COG2: variants seen among roughly 807,000 people sequenced by gnomAD.
The protein encoded by COG2 is component of oligomeric golgi complex 2.
Under a neutral mutation model 90.6 loss-of-function variants are expected in COG2, and 52 were observed. That is an observed-to-expected ratio of 0.57 (90% CI 0.46 to 0.72). The LOEUF (loss-of-function observed/expected upper bound fraction) is 0.72, where lower values mean the gene tolerates loss of function less well. Ranked by LOEUF, COG2 falls within the 30% of genes least tolerant of loss-of-function variation. The pLI is 0.00. For synonymous variants in COG2, 337 were observed against 320.4 expected (o/e 1.05, Z -0.55); for missense variants, 829 against 891.2 (o/e 0.93, Z 0.89).
chr1:230,685,596 T>A (rs1381408305), intron 12 of COG2, among the ~76,000 whole-genome samples: 3 of 152,252 alleles, frequency 2.0e-5, no homozygotes, highest in African/African-American at 4.8e-5. Flanking sequence ...TAAAAATATA[T>A]GCATTTTAAT....
chr1:230,645,540 A>G (rs558558166), intron 1 of COG2, among the ~76,000 whole-genome samples: 3 of 152,262 alleles, frequency 2.0e-5, no homozygotes, highest in South Asian at 4.1e-4. Flanking sequence ...GTGTAGGGCA[A>G]TGGTCCCCAA....
intron 8 of COG2, 65 bp from the exon 9 acceptor site, chr1:230,674,933 G>A: frequency 7.5e-7 from 1 of 1,327,456 alleles, no homozygotes; most frequent in Non-Finnish European, 1.0e-6. Flanking sequence ...AAGCAACACA[G>A]TGGAAATTTG....
chr1:230,671,612 C>A lies in COG2; in HGVS notation c.871C>A (p.Arg291=), dbSNP rs750823964. The change falls in exon 8 of 18, where the codon CGA becomes AGA. Residue 291 remains arginine, a synonymous_variant. Coordinates refer to ENST00000366669, the MANE Select transcript of COG2 (RefSeq NM_007357.3). ...EFVPHHCRLL[R]EVTGGAISSE... The stretch of plus-strand genomic sequence containing the variant: ...TGTTCCTCACCATTGCCGCCTTCTT[C>A]GAGAAGTCACAGGAGGTGCCATCTC... The A allele has an allele frequency of 8.7e-6, 14 of 1,613,602 alleles. No individual in the cohort carries two copies. Among genetic ancestry groups the A allele is most frequent in the Non-Finnish European group, 1.2e-5 (14 of 1,179,762 alleles).
intron 3 of COG2, 137 bp downstream of exon 3, chr1:230,660,960 C>T: frequency 8.6e-6 from 4 of 464,026 alleles, no homozygotes; most frequent in Non-Finnish European, 1.5e-5. Flanking sequence ...AATACTCATC[C>T]TCAGAAAAGT....
chr1:230,654,438 T>A (rs1320861819), intron 1 of COG2, among the ~76,000 whole-genome samples: 1 of 152,224 alleles, frequency 6.6e-6, no homozygotes, highest in Admixed American at 6.5e-5. Flanking sequence ...TGGTGTTATT[T>A]CTGAGTCCTC....
intron 16 of COG2, among the ~76,000 whole-genome samples, 185 bp from the exon 17 acceptor site, chr1:230,691,199 G>GTA (rs201309673): frequency 1.6e-3 from 246 of 151,896 alleles, no homozygotes; most frequent in African/African-American, 5.4e-3. Context: ...GTATATACAT[G>GTA]TATATATATA....
chr1:230,681,561 G>A (rs1268597475), intron 10 of COG2: 9 of 152,214 alleles, frequency 5.9e-5, no homozygotes. Flanking sequence ...TTGTAGACCT[G>A]TGATGTTCGT....
chr1:230,688,002 C>CAAAT, intron 13 of COG2, 69 bp from the exon 14 acceptor site: 1 of 1,039,882 alleles, frequency 9.6e-7, no homozygotes. Flanking sequence ...TTTGTAGATG[C>CAAAT]AAATAGAATT....
At chr1:230,653,641 ATGT>A (rs1454621463) in intron 1 of COG2, among the ~76,000 whole-genome samples, 1 of 52,832 alleles carries the variant, frequency 1.9e-5, no homozygotes, top group African/African-American at 8.2e-5. Flanking sequence ...TGGGTATCTA[ATGT>A]TGTGCTGCTA....
intron 9 of COG2, among the ~76,000 whole-genome samples, chr1:230,676,961 A>G (rs1662615475): frequency 6.6e-6 from 1 of 152,176 alleles, no homozygotes; most frequent in Non-Finnish European, 1.5e-5. Flanking sequence ...AAGTTCTGCT[A>G]TGATATGTCC....
At chr1:230,686,112 A>G (rs1350719656) in intron 12 of COG2, among the ~76,000 whole-genome samples, 1 of 152,234 alleles carries the variant, frequency 6.6e-6, no homozygotes, top group East Asian at 1.9e-4. Flanking sequence ...ACCTGGAGAA[A>G]TTAAGCTGAG....
intron 12 of COG2, among the ~76,000 whole-genome samples, chr1:230,686,516 T>C (rs1662888040): frequency 6.6e-6 from 1 of 152,230 alleles, no homozygotes; most frequent in Non-Finnish European, 1.5e-5. Flanking sequence ...AAGAACACTT[T>C]GTTTTTTGTA....
At chr1:230,650,701 G>A (rs530367212) in intron 1 of COG2, among the ~76,000 whole-genome samples, 6 of 152,018 alleles carry the variant, frequency 3.9e-5, no homozygotes, top group Admixed American at 6.6e-5. Context: ...TTGGTTTAAC[G>A]AAGTCTCATT....
intron 5 of COG2, among the ~76,000 whole-genome samples, chr1:230,665,346 G>A (rs1662294895): frequency 6.6e-6 from 1 of 152,162 alleles, no homozygotes; most frequent in Admixed American, 6.5e-5. Context: ...CCTCATACAT[G>A]TCTAGTTTGA....
Position 230,691,469 on chromosome 1 carries a change from A to G in COG2, c.2020A>G (p.Thr674Ala). 6.2e-7 allele frequency: 1 copy of G among 1,613,840 alleles called. No individual in the cohort carries two copies. Among genetic ancestry groups the G allele is most frequent in the Non-Finnish European group, 8.5e-7 (1 of 1,179,982 alleles). ...AAGGCTGAAACAAGCCAGAAAAACC[A>G]CTCCCGCCAACCCCGTCGGTCCCAG... is the stretch of plus-strand genomic sequence containing the variant. Reference protein sequence around the residue: ...LKRLKQARKTTPANPVGPSGG... With the variant: ...LKRLKQARKTAPANPVGPSGG... Residue 674 changes from threonine to alanine, a missense_variant, in exon 17 of 18, where the codon ACT becomes GCT. Coordinates refer to ENST00000366669, the MANE Select transcript of COG2 (RefSeq NM_007357.3).
chr1:230,668,623 C>A, intron 5 of COG2, 53 bp from the exon 6 acceptor site: 1 of 1,102,786 alleles, frequency 9.1e-7, no homozygotes, highest in Non-Finnish European at 1.3e-6. Context: ...GATGTATTCT[C>A]GTGGAAATAG....
chr1:230,683,673 A>C (rs753122564), intron 11 of COG2, 38 bp downstream of exon 11: 2 of 1,373,282 alleles, frequency 1.5e-6, no homozygotes, highest in South Asian at 2.3e-5. Flanking sequence ...TGGTATCCTA[A>C]ATGAGTTCAT....
chr1:230,668,592 G>A, intron 5 of COG2, 84 bp from the exon 6 acceptor site: 1 of 777,896 alleles, frequency 1.3e-6, no homozygotes, highest in Non-Finnish European at 2.1e-6. Flanking sequence ...GGGTATGAAA[G>A]TCTCTCACTG....
rs188521996 is a variant in COG2, at chr1:230,687,149, G to C, written c.1578+17G>C. 1.9e-6 allele frequency: 3 copies of C among 1,598,086 alleles called. No homozygotes were observed. In the Admixed American group the frequency reaches 5.1e-5, roughly 27 times the overall value. ...CAGGAGCAGGTAAGCCTGTGTCCCA[G>C]AATAATTCCAGGTGCTTGGTTTAAT... On this transcript the variant is annotated intron_variant, in intron 13 of 17. Transcript: ENST00000366669.
Sources: gnomAD v4.1 joint callset for allele counts (sites outside exome capture counted in the v4.1 genomes callset) on GRCh38, gnomAD v4.1.1 for gene constraint, MANE v1.5 for transcripts, NCBI Gene and HGNC (gene_info 2026-07-23, HGNC 2026-07-21) for gene names.